Variants in GOLM2 observed in about 807,000 individuals in gnomAD.
GOLM2 encodes protein GOLM2.
A neutral mutation model predicts 55.9 loss-of-function variants in GOLM2; 26 were observed. The observed-to-expected ratio is 0.47, with a 90% CI of 0.34 to 0.65. The LOEUF (loss-of-function observed/expected upper bound fraction) is 0.65, where lower values mean the gene tolerates loss of function less well. Among genes scored for constraint, GOLM2 ranks in the 30% least tolerant of loss-of-function variants. The pLI, the probability that GOLM2 is intolerant of heterozygous loss-of-function variation, is 0.01. For missense variants in GOLM2, 486 were observed against 531.8 expected (o/e 0.91, Z 0.85); for synonymous variants, 165 against 194.6 (o/e 0.85, Z 1.27).
chr15:44,334,160 C>T (rs1678057022), intron 4 of GOLM2, among the ~76,000 whole-genome samples: 1 of 151,980 alleles, frequency 6.6e-6, no homozygotes, highest in Non-Finnish European at 1.5e-5. Context: ...TGCCATTATC[C>T]TACCCTAAAT....
intron 1 of GOLM2, among the ~76,000 whole-genome samples, chr15:44,314,753 A>G (rs1286817323): frequency 6.6e-6 from 1 of 152,188 alleles, no homozygotes; most frequent in African/African-American, 2.4e-5. Flanking sequence ...TATACACAGT[A>G]GTCACAGACA....
intron 6 of GOLM2, among the ~76,000 whole-genome samples, chr15:44,350,821 A>G (rs1367901907): frequency 6.6e-6 from 1 of 152,234 alleles, no homozygotes; most frequent in Non-Finnish European, 1.5e-5. Flanking sequence ...ATGCTTCAGT[A>G]TACATGACTC....
chr15:44,395,144 G>A (rs1196860740), intron 8 of GOLM2, among the ~76,000 whole-genome samples: 1 of 151,072 alleles, frequency 6.6e-6, no homozygotes, highest in Non-Finnish European at 1.5e-5. Flanking sequence ...CCAAGGAGCT[G>A]GGACTACAGG....
intron 7 of GOLM2, 43 bp from the exon 8 acceptor site, chr15:44,380,763 A>G: frequency 7.6e-7 from 1 of 1,311,508 alleles, no homozygotes; most frequent in Non-Finnish European, 9.9e-7. Flanking sequence ...TTAAAAGATT[A>G]AATTAAATTA....
At chr15:44,405,135 C>T (rs1035235883) in intron 9 of GOLM2, among the ~76,000 whole-genome samples, 1 of 152,096 alleles carries the variant, frequency 6.6e-6, no homozygotes, top group Admixed American at 6.6e-5. Context: ...CTCCTTCTTC[C>T]TCCCCTGGTT....
Position 44,288,980 on chromosome 15 carries a change from C to T in GOLM2, c.-50C>T, listed in dbSNP as rs1377261617. On this transcript the variant is annotated 5_prime_UTR_variant, in exon 1 of 10. Transcript: ENST00000299957. ...ACTCCAGCCGAGGCCTGGGCTTCTG[C>T]CTGCAGGTGTCTGCGGCGAGGCCCC... The T allele has an allele frequency of 1.3e-6, 2 of 1,520,558 alleles. No individual in the cohort carries two copies. Among genetic ancestry groups the T allele is most frequent in the Non-Finnish European group, 1.8e-6 (2 of 1,117,910 alleles). The allele number at this position is 1,520,558 out of a possible 1,614,324, so 94.2% of individuals were successfully genotyped here.
At chr15:44,332,477 A>C (rs1203690383) in intron 4 of GOLM2, among the ~76,000 whole-genome samples, 1 of 151,854 alleles carries the variant, frequency 6.6e-6, no homozygotes, top group Non-Finnish European at 1.5e-5. Context: ...GAACCGCTTG[A>C]GCCTGGGAGA....
At chr15:44,378,928 G>A (rs1206257546) in intron 6 of GOLM2, among the ~76,000 whole-genome samples, 1 of 151,974 alleles carries the variant, frequency 6.6e-6, no homozygotes, top group Non-Finnish European at 1.5e-5. Flanking sequence ...TGTATTTTTA[G>A]TAGAGATGGG....
At position 44,397,567 on chromosome 15, in the gene GOLM2, C is replaced by T. The variant is rs146106313; in HGVS notation, c.1073-5320C>T. On this transcript the variant is annotated intron_variant, in intron 8 of 9. Transcript: ENST00000299957. ...TATACCATCAAATGATAACTTTGCC[C>T]TCATTACTTCTTTTTTCTCTTCTTA... Among the ~76,000 whole-genome samples, 30 of 151,516 alleles carry T rather than the reference C, an allele frequency of 2.0e-4. No homozygotes were observed. The East Asian group carries it at 5.0e-3, about 25-fold the overall frequency.
chr15:44,393,084 T>C (rs2079502204), intron 8 of GOLM2, among the ~76,000 whole-genome samples: 1 of 152,138 alleles, frequency 6.6e-6, no homozygotes, highest in African/African-American at 2.4e-5. Context: ...GGAAGAAATA[T>C]AACTGATAAG....
chr15:44,343,320 A>T (rs1417216420), intron 6 of GOLM2, among the ~76,000 whole-genome samples: 2 of 151,908 alleles, frequency 1.3e-5, no homozygotes, highest in Admixed American at 6.6e-5. Context: ...AAGACAGAAA[A>T]AAAAAAAAAA....
In GOLM2 at chr15:44,390,634, C is replaced by T. The variant is rs182532634; in HGVS notation, c.1072+9658C>T. ...AGGCTGGAGTGCAATGGCACGATCT[C>T]GGCTCACCCACCGCAACCTCCACCT... On this transcript the variant is annotated intron_variant, in intron 8 of 9. Coordinates refer to ENST00000299957, the MANE Select transcript of GOLM2 (RefSeq NM_138423.4). Among the ~76,000 whole-genome samples the T allele has an allele frequency of 8.0e-5, 12 of 150,826 alleles. No homozygotes were observed. The East Asian group carries it at 1.8e-3, about 22-fold the overall frequency.
At chr15:44,309,715 C>T (rs1029519041) in intron 1 of GOLM2, among the ~76,000 whole-genome samples, 2 of 152,168 alleles carry the variant, frequency 1.3e-5, no homozygotes, top group Non-Finnish European at 2.9e-5. Flanking sequence ...TTATCTCTGG[C>T]ATAAACTTTT....
At chr15:44,310,502 C>CCACACATACACA (rs2078868196) in intron 1 of GOLM2, among the ~76,000 whole-genome samples, 3 of 124,700 alleles carry the variant, frequency 2.4e-5, no homozygotes, top group African/African-American at 8.9e-5. Flanking sequence ...ACACACACAC[C>CCACACATACACA]CACACACACA....
rs765702486 is a variant in GOLM2, at chr15:44,323,068, C to T, written c.382+49C>T. ...AAGATAAACCAAGGTCACTAAATGC[C>T]TAAAATTGTGAAGAATTAAGAAATA... On this transcript the variant is annotated intron_variant, in intron 2 of 9. Transcript: ENST00000299957. 43 of 1,241,434 alleles carry T rather than the reference C, an allele frequency of 3.5e-5. 1 individual carries two copies. In the South Asian group the frequency reaches 6.4e-4, roughly 18 times the overall value. 76.9% of individuals were successfully genotyped at this position (1,241,434 alleles called of 1,614,324 possible). A position where few individuals can be genotyped will look rare whatever the true frequency, so the allele number is the denominator to read the frequency against.
intron 6 of GOLM2, among the ~76,000 whole-genome samples, chr15:44,358,976 G>A (rs2079216372): frequency 6.6e-6 from 1 of 151,766 alleles, no homozygotes; most frequent in Non-Finnish European, 1.5e-5. Flanking sequence ...CTAACATGGT[G>A]AAACCCCATC....
At chr15:44,397,303 C>T (rs148248854) in intron 8 of GOLM2, among the ~76,000 whole-genome samples, 141 of 151,894 alleles carry the variant, frequency 9.3e-4, no homozygotes, top group African/African-American at 3.1e-3. Flanking sequence ...CACGGTGAAA[C>T]CCCATCTCTA....
intron 6 of GOLM2, among the ~76,000 whole-genome samples, chr15:44,344,287 G>GTGTGTATATATATATATATA (rs1254503455): frequency 7.2e-6 from 1 of 138,312 alleles, no homozygotes; most frequent in Admixed American, 7.3e-5. Context: ...ATATGTGTGT[G>GTGTGTATATATATATATATA]TATATATATA....
At chr15:44,292,879 A>G (rs2078731087) in intron 1 of GOLM2, among the ~76,000 whole-genome samples, 1 of 152,084 alleles carries the variant, frequency 6.6e-6, no homozygotes, top group Non-Finnish European at 1.5e-5. Flanking sequence ...CAGTGGTGCG[A>G]TCATAGTTTA....
Sources: allele counts gnomAD v4.1 joint callset (sites outside exome capture counted in the v4.1 genomes callset), GRCh38; gene constraint gnomAD v4.1.1; transcripts MANE v1.5; gene names NCBI Gene and HGNC (gene_info 2026-07-23, HGNC 2026-07-21).